CDC14A: variants seen among roughly 807,000 people sequenced by gnomAD.
CDC14A encodes dual specificity protein phosphatase CDC14A.
A neutral mutation model predicts 74.4 loss-of-function variants in CDC14A; 53 were observed. The ratio of observed to expected loss-of-function variants is 0.71; its 90% CI spans 0.57 to 0.89. The LOEUF (loss-of-function observed/expected upper bound fraction) is 0.89, where lower values mean the gene tolerates loss of function less well. CDC14A is among the 40% of genes least tolerant of loss of function. The pLI, the probability that CDC14A is intolerant of heterozygous loss-of-function variation, is 0.00. For synonymous variants in CDC14A, 247 were observed against 258.4 expected, an observed-to-expected ratio of 0.96 and a Z score of 0.43; for missense variants, 646 against 713.7, an observed-to-expected ratio of 0.91 and a Z score of 1.08.
At chr1:100,359,246 C>G (rs1427902470) in intron 2 of CDC14A, among the ~76,000 whole-genome samples, 1 of 152,212 alleles carries the variant, frequency 6.6e-6, no homozygotes, top group Admixed American at 6.5e-5. Flanking sequence ...AATTAATCCT[C>G]AGAACAAGCC....
intron 11 of CDC14A, among the ~76,000 whole-genome samples, chr1:100,486,466 G>A (rs1670023705): frequency 6.6e-6 from 1 of 152,194 alleles, no homozygotes; most frequent in South Asian, 2.1e-4. Context: ...TACAGGCTAG[G>A]CAGCTTATAA....
chr1:100,431,353 T>A (rs2101099949), intron 5 of CDC14A, among the ~76,000 whole-genome samples: 1 of 152,096 alleles, frequency 6.6e-6, no homozygotes, highest in East Asian at 1.9e-4. Context: ...CCAAACTTAG[T>A]GAAGTAGGGT....
At chr1:100,359,156 A>ACAG (rs944840875) in intron 2 of CDC14A, among the ~76,000 whole-genome samples, 15 of 152,256 alleles carry the variant, frequency 9.9e-5, no homozygotes, top group African/African-American at 3.1e-4. Context: ...AGCAACAACA[A>ACAG]CAGCAGCAGC....
chr1:100,359,980 G>T (rs867941407), intron 2 of CDC14A, among the ~76,000 whole-genome samples: 25 of 124,032 alleles, frequency 2.0e-4, no homozygotes, highest in African/African-American at 7.2e-4. Flanking sequence ...GTTTCCTTCT[G>T]TTGCCAGGCT....
Position 100,358,520 on chromosome 1 carries a change from T to C in CDC14A, c.140+4668T>C, listed in dbSNP as rs535764205. Among the ~76,000 whole-genome samples, 5 of 152,290 alleles carry C rather than the reference T, an allele frequency of 3.3e-5. No homozygotes were observed. In the East Asian group the frequency reaches 5.8e-4, roughly 18 times the overall value. ...TCTTTTTGAGTTGTGAAGAAAGGTA[T>C]TGAAAGTGCAGGAAAGAGCTCTTTA... On this transcript the variant is annotated intron_variant, in intron 2 of 15. Coordinates refer to ENST00000336454, the MANE Select transcript of CDC14A (RefSeq NM_003672.4).
intron 5 of CDC14A, among the ~76,000 whole-genome samples, chr1:100,434,635 A>G (rs142232925): frequency 6.6e-6 from 1 of 152,294 alleles, no homozygotes; most frequent in African/African-American, 2.4e-5. Flanking sequence ...GGGATAGGAT[A>G]AGGGGAAAGA....
chr1:100,420,031 TACACACACACACAC>T (rs368385925), intron 4 of CDC14A, among the ~76,000 whole-genome samples: 18,606 of 82,956 alleles, frequency 0.22, 4,382 homozygotes, highest in African/African-American at 0.55. Context: ...TATACATATA[TACACACACACACAC>T]ACACACACAC....
chr1:100,353,956 G>A, intron 2 of CDC14A, 104 bp downstream of exon 2: 2 of 674,192 alleles, frequency 3.0e-6, no homozygotes, highest in Non-Finnish European at 5.2e-6. Flanking sequence ...CCCCCCCAAT[G>A]ATACGAGTAA....
At chr1:100,351,754 C>A (rs1262183768), upstream of CDC14A, 1 of 1,550,420 alleles carries the variant, frequency 6.4e-7, no homozygotes, top group Non-Finnish European at 8.7e-7. Flanking sequence ...CGTGGAGAAC[C>A]AGATGGGAAA....
At chr1:100,353,473 A>T (rs1651423772) in intron 1 of CDC14A, among the ~76,000 whole-genome samples, 1 of 151,950 alleles carries the variant, frequency 6.6e-6, no homozygotes, top group Non-Finnish European at 1.5e-5. Context: ...TGGGAACCAA[A>T]CTTGCACCTC....
upstream of CDC14A, chr1:100,352,382 G>T: frequency 1.2e-6 from 1 of 832,620 alleles, no homozygotes; most frequent in Non-Finnish European, 1.5e-6. Context: ...TTTAAGGGAT[G>T]GCCGCGGAGT....
At chr1:100,432,524 G>A (rs1018502050) in intron 5 of CDC14A, among the ~76,000 whole-genome samples, 1 of 152,120 alleles carries the variant, frequency 6.6e-6, no homozygotes, top group Non-Finnish European at 1.5e-5. Flanking sequence ...GGCGGGGTGT[G>A]GTGACTCACA....
intron 7 of CDC14A, among the ~76,000 whole-genome samples, chr1:100,450,482 C>A (rs183060435): frequency 4.0e-4 from 61 of 152,278 alleles, no homozygotes; most frequent in Non-Finnish European, 7.5e-4. Context: ...GTGGGCATGT[C>A]CTCACCACCT....
chr1:100,467,223 G>A (rs1362557281), intron 9 of CDC14A, among the ~76,000 whole-genome samples: 3 of 151,912 alleles, frequency 2.0e-5, no homozygotes, highest in African/African-American at 7.3e-5. Context: ...CATACTACAC[G>A]ACTGTAGTTT....
chr1:100,410,081 G>T (rs2101034818), intron 4 of CDC14A, among the ~76,000 whole-genome samples: 1 of 152,148 alleles, frequency 6.6e-6, no homozygotes, highest in Non-Finnish European at 1.5e-5. Context: ...GTGTGGTGGT[G>T]CATATCTGTA....
intron 4 of CDC14A, among the ~76,000 whole-genome samples, chr1:100,391,315 C>CT (rs11383102): frequency 0.091 from 13,841 of 152,146 alleles, 2,182 homozygotes; most frequent in African/African-American, 0.32. Flanking sequence ...AATATAAATC[C>CT]TGCATATATT....
chr1:100,392,042 C>T (rs1320018702), intron 4 of CDC14A, among the ~76,000 whole-genome samples: 3 of 152,224 alleles, frequency 2.0e-5, no homozygotes, highest in African/African-American at 7.2e-5. Flanking sequence ...CACTTTATCT[C>T]TCTCAGCTTT....
chr1:100,492,050 A>G (rs556088469), intron 11 of CDC14A, among the ~76,000 whole-genome samples: 13 of 152,134 alleles, frequency 8.5e-5, no homozygotes, highest in African/African-American at 3.1e-4. Flanking sequence ...AAATCTGGGT[A>G]GTTAAGTGCA....
Position 100,519,781 on chromosome 1 carries a change from G to GAC in CDC14A, c.*1501_*1502insAC, listed in dbSNP as rs1650540851. 1 of 152,166 alleles carries GAC rather than the reference G, an allele frequency of 6.6e-6. No individual in the cohort carries two copies. The highest frequency in any genetic ancestry group is 1.5e-5 in the Non-Finnish European group (1 of 67,874). The allele number at this position is 152,166 out of a possible 1,614,324, so 9.4% of individuals were successfully genotyped here. On this transcript the variant is annotated 3_prime_UTR_variant, in exon 16 of 16. Coordinates refer to ENST00000336454, the MANE Select transcript of CDC14A (RefSeq NM_003672.4). The stretch of plus-strand genomic sequence containing the variant: ...TTAGGAATCAAAAACTAAAATAAGT[G>GAC]GAATTATGTATCTTTTCTAAAGTTA...
Sources: gnomAD v4.1 joint callset for allele counts (sites outside exome capture counted in the v4.1 genomes callset) on GRCh38, gnomAD v4.1.1 for gene constraint, MANE v1.5 for transcripts, NCBI Gene and HGNC (gene_info 2026-07-23, HGNC 2026-07-21) for gene names.